Variants in MAGI2 observed in about 807,000 individuals in gnomAD.
MAGI2 encodes membrane-associated guanylate kinase, WW and PDZ domain-containing protein 2.
In MAGI2, 35 loss-of-function variants were observed where a neutral mutation model predicts 133.3. The observed-to-expected ratio is 0.26, with a 90% CI of 0.20 to 0.35. MAGI2 has a LOEUF of 0.35. MAGI2 is among the 10% of genes least tolerant of loss of function. The pLI, the probability that MAGI2 is intolerant of heterozygous loss-of-function variation, is 1.00. For synonymous variants in MAGI2, 729 were observed against 710.6 expected, an observed-to-expected ratio of 1.03 and a Z score of -0.41; for missense variants, 1,636 against 1,863.4, an observed-to-expected ratio of 0.88 and a Z score of 2.25.
intron 1 of MAGI2, among the ~76,000 whole-genome samples, chr7:79,213,309 CACACACGT>C (rs1360438444): frequency 1.8e-4 from 26 of 147,736 alleles, no homozygotes; most frequent in African/African-American, 4.1e-4. Context: ...TGTGTATTTA[CACACACGT>C]ACACACGTAC....
At chr7:79,085,736 T>C (rs1202355222) in intron 1 of MAGI2, among the ~76,000 whole-genome samples, 2 of 151,926 alleles carry the variant, frequency 1.3e-5, no homozygotes, top group South Asian at 2.1e-4. Context: ...TTATGCTTTG[T>C]TGTGTATGGC....
chr7:78,376,851 G>C (rs1405355648), intron 6 of MAGI2, among the ~76,000 whole-genome samples: 2 of 152,072 alleles, frequency 1.3e-5, no homozygotes, highest in Non-Finnish European at 2.9e-5. Context: ...GTCGTCCTTG[G>C]TTTAAGTTTG....
intron 2 of MAGI2, among the ~76,000 whole-genome samples, chr7:78,779,608 A>C (rs765576337): frequency 1.3e-5 from 2 of 152,212 alleles, no homozygotes; most frequent in Non-Finnish European, 1.5e-5. Flanking sequence ...ACCCTGGATA[A>C]CTTATTTAAT....
In MAGI2 at chr7:78,573,409, G is replaced by A. The variant is rs151247553; in HGVS notation, c.539-51764C>T. Among the ~76,000 whole-genome samples, 168 of 46,532 alleles carry A rather than the reference G, an allele frequency of 3.6e-3. 2 individuals carry two copies. Among genetic ancestry groups the A allele is most frequent in the African/African-American group, 0.017 (160 of 9,422 alleles). The allele number at this position is 46,532 out of a possible 152,430, so 30.5% of individuals were successfully genotyped here. A position where few individuals can be genotyped will look rare whatever the true frequency, so the allele number is the denominator to read the frequency against. ...ATATATATATATATATATATAGGCT[G>A]CCACTGACACCTCAAGCACCATTTG... is the stretch of plus-strand genomic sequence containing the variant. On this transcript the variant is annotated intron_variant, in intron 3 of 21. Transcript: ENST00000354212.
intron 1 of MAGI2, among the ~76,000 whole-genome samples, chr7:79,047,348 A>T (rs1371765403): frequency 2.0e-5 from 3 of 151,962 alleles, no homozygotes; most frequent in African/African-American, 7.2e-5. Context: ...AAATCAAAGA[A>T]GATATATAAA....
At chr7:78,136,610 C>T (rs1822167835) in intron 16 of MAGI2, among the ~76,000 whole-genome samples, 2 of 152,202 alleles carry the variant, frequency 1.3e-5, no homozygotes, top group Non-Finnish European at 2.9e-5. Flanking sequence ...AGCCTATTCC[C>T]TTTCCATTCT....
intron 6 of MAGI2, among the ~76,000 whole-genome samples, chr7:78,392,792 C>T (rs989691512): frequency 6.6e-6 from 1 of 152,024 alleles, no homozygotes; most frequent in East Asian, 1.9e-4. Context: ...TACAGGCATG[C>T]GCCACTGCAC....
intron 21 of MAGI2, among the ~76,000 whole-genome samples, chr7:78,032,303 C>T (rs1404928044): frequency 1.3e-5 from 2 of 152,074 alleles, no homozygotes; most frequent in African/African-American, 2.4e-5. Flanking sequence ...CAGTCTCAAC[C>T]TCCTAGGTTC....
At chr7:78,512,232 G>A (rs1022397498) in intron 4 of MAGI2, among the ~76,000 whole-genome samples, 21 of 152,010 alleles carry the variant, frequency 1.4e-4, no homozygotes, top group East Asian at 1.2e-3. Flanking sequence ...GTAAACAACC[G>A]CTTCCCTTTA....
At chr7:78,570,025 T>G (rs1801346443) in intron 3 of MAGI2, among the ~76,000 whole-genome samples, 1 of 152,214 alleles carries the variant, frequency 6.6e-6, no homozygotes, top group East Asian at 1.9e-4. Context: ...ATTTCACTGT[T>G]TTTAATTCTT....
intron 2 of MAGI2, among the ~76,000 whole-genome samples, chr7:79,001,697 C>G (rs1191750949): frequency 6.6e-6 from 1 of 152,134 alleles, no homozygotes; most frequent in Non-Finnish European, 1.5e-5. Flanking sequence ...CATTTTTGCT[C>G]TTTAAACATT....
chr7:79,380,898 T>C (rs571807150), intron 1 of MAGI2, among the ~76,000 whole-genome samples: 1 of 151,936 alleles, frequency 6.6e-6, no homozygotes, highest in African/African-American at 2.4e-5. Context: ...AAACATTGTT[T>C]TAAAGTAATT....
At chr7:78,329,408 G>T (rs1010406102) in intron 9 of MAGI2, among the ~76,000 whole-genome samples, 1 of 152,118 alleles carries the variant, frequency 6.6e-6, no homozygotes, top group Non-Finnish European at 1.5e-5. Flanking sequence ...CTTAGCTAAA[G>T]AAAATGAAAG....
intron 10 of MAGI2, among the ~76,000 whole-genome samples, chr7:78,217,976 G>A (rs771102103): frequency 6.6e-6 from 1 of 152,146 alleles, no homozygotes; most frequent in Non-Finnish European, 1.5e-5. Flanking sequence ...TCAAGCTGCC[G>A]TTTTACTTAG....
chr7:79,017,505 C>G (rs1278457895), intron 1 of MAGI2, among the ~76,000 whole-genome samples: 2 of 152,212 alleles, frequency 1.3e-5, no homozygotes, highest in Non-Finnish European at 2.9e-5. Flanking sequence ...CACAAGAGCT[C>G]TGGCAGCTCA....
chr7:79,165,276 G>A (rs952430060), intron 1 of MAGI2, among the ~76,000 whole-genome samples: 1 of 151,360 alleles, frequency 6.6e-6, no homozygotes, highest in Non-Finnish European at 1.5e-5. Context: ...GTGCCAAAAG[G>A]CAAAACCACC....
chr7:79,265,500 G>A (rs1285574691), intron 1 of MAGI2, among the ~76,000 whole-genome samples: 3 of 151,816 alleles, frequency 2.0e-5, no homozygotes, highest in East Asian at 1.9e-4. Context: ...TTTGGTGTTG[G>A]TTTGTGTGAA....
intron 6 of MAGI2, among the ~76,000 whole-genome samples, chr7:78,456,235 G>A (rs1054110832): frequency 6.6e-6 from 1 of 152,008 alleles, no homozygotes; most frequent in Non-Finnish European, 1.5e-5. Flanking sequence ...TGTTGTTATT[G>A]GTGGTGTGGC....
intron 1 of MAGI2, among the ~76,000 whole-genome samples, chr7:79,210,149 T>G (rs555185620): frequency 3.3e-5 from 5 of 152,116 alleles, no homozygotes; most frequent in African/African-American, 1.2e-4. Context: ...CCTGTTGGCA[T>G]AGAATGTGTA....
Sources: allele counts gnomAD v4.1 joint callset (sites outside exome capture counted in the v4.1 genomes callset), GRCh38; gene constraint gnomAD v4.1.1; transcripts MANE v1.5; gene names NCBI Gene and HGNC (gene_info 2026-07-23, HGNC 2026-07-21).